CSMD3: variants seen among roughly 807,000 people sequenced by gnomAD.
CSMD3 encodes the protein CUB and sushi domain-containing protein 3.
Under a neutral mutation model 435.2 loss-of-function variants are expected in CSMD3, and 177 were observed. That is an observed-to-expected ratio of 0.41 (90% CI 0.36 to 0.46). CSMD3 has a LOEUF of 0.46. Among genes scored for constraint, CSMD3 ranks in the 20% least tolerant of loss-of-function variants. The probability of loss-of-function intolerance (pLI) is 0.34; values close to 1 mark genes in which losing one functional copy is unlikely to be tolerated. For synonymous variants in CSMD3, 1,656 were observed against 1,520.5 expected, an observed-to-expected ratio of 1.09 and a Z score of -2.07; for missense variants, 4,265 against 4,504.6, an observed-to-expected ratio of 0.95 and a Z score of 1.52.
At chr8:112,357,706 T>A (rs1026258346) in intron 38 of CSMD3, among the ~76,000 whole-genome samples, 1 of 152,106 alleles carries the variant, frequency 6.6e-6, no homozygotes, top group Non-Finnish European at 1.5e-5. Context: ...CACGTGGTGT[T>A]GAGCCTGAGA....
At chr8:113,248,466 GTGATATATATGTATA>G (rs1433640766) in intron 3 of CSMD3, among the ~76,000 whole-genome samples, 4 of 806 alleles carry the variant, frequency 5.0e-3, no homozygotes, top group South Asian at 0.12. Context: ...ATGTGTGTGT[GTGATATATATGTATA>G]TATACATATA....
intron 6 of CSMD3, among the ~76,000 whole-genome samples, chr8:113,008,448 A>AAC (rs1341587544): frequency 4.6e-5 from 7 of 151,822 alleles, no homozygotes; most frequent in Non-Finnish European, 8.8e-5. Context: ...CTTATCTGTT[A>AAC]AGGATGAATA....
At position 112,976,139 on chromosome 8, in the gene CSMD3, G is replaced by GT; in HGVS notation, c.1039dup (p.Thr347AsnfsTer10). On this transcript the variant is annotated frameshift_variant, in exon 7 of 71. Transcript: ENST00000297405. LOFTEE classifies it high-confidence loss of function. Reference sequence around the variant, plus strand: ...ACCAGTGGAGGTAGTGTGGGTCAATGTAGAAGAACCTGTGGGACACAGTAG... The same window carrying GT: ...ACCAGTGGAGGTAGTGTGGGTCAATGTTAGAAGAACCTGTGGGACACAGTAG... 2 of 1,613,978 alleles carry GT rather than the reference G, an allele frequency of 1.2e-6. No individual in the cohort carries two copies. Among genetic ancestry groups the GT allele is most frequent in the Non-Finnish European group, 1.7e-6 (2 of 1,179,882 alleles).
chr8:112,928,121 C>T (rs759130542), intron 9 of CSMD3, among the ~76,000 whole-genome samples: 7 of 152,038 alleles, frequency 4.6e-5, no homozygotes, highest in Non-Finnish European at 8.8e-5. Context: ...TACTTATATA[C>T]TTCTATGAAA....
chr8:112,888,823 A>G (rs1387535843), intron 10 of CSMD3, among the ~76,000 whole-genome samples: 1 of 151,630 alleles, frequency 6.6e-6, no homozygotes, highest in African/African-American at 2.4e-5. Flanking sequence ...AGCAAGATGC[A>G]GAAGTCTACA....
At chr8:112,301,099 A>T (rs1444633197) in intron 53 of CSMD3, among the ~76,000 whole-genome samples, 2 of 152,084 alleles carry the variant, frequency 1.3e-5, no homozygotes, top group East Asian at 1.9e-4. Flanking sequence ...ATCATTTTAG[A>T]GAAAACAAAG....
chr8:113,231,570 T>G (rs1588326107), intron 3 of CSMD3, among the ~76,000 whole-genome samples: 1 of 151,516 alleles, frequency 6.6e-6, no homozygotes, highest in African/African-American at 2.4e-5. Context: ...TAATTTTGAG[T>G]GCATTGTTAA....
chr8:112,876,193 T>C (rs1039047349), intron 10 of CSMD3, among the ~76,000 whole-genome samples: 7 of 152,042 alleles, frequency 4.6e-5, no homozygotes, highest in African/African-American at 1.7e-4. Context: ...ATTAATAGTA[T>C]ACCAACCATA....
chr8:112,835,685 G>C (rs2080002931), intron 11 of CSMD3, among the ~76,000 whole-genome samples: 1 of 151,868 alleles, frequency 6.6e-6, no homozygotes, highest in Non-Finnish European at 1.5e-5. Context: ...TTCTGGCAAA[G>C]AGTGTCAAAA....
At chr8:113,102,866 G>A (rs555568435) in intron 4 of CSMD3, among the ~76,000 whole-genome samples, 5 of 152,208 alleles carry the variant, frequency 3.3e-5, no homozygotes, top group Non-Finnish European at 7.4e-5. Flanking sequence ...GAACATTAAA[G>A]TGTTTTTAGT....
intron 2 of CSMD3, among the ~76,000 whole-genome samples, chr8:113,308,696 G>A (rs2093843011): frequency 6.6e-6 from 1 of 152,068 alleles, no homozygotes; most frequent in African/African-American, 2.4e-5. Flanking sequence ...TCTTTTTAAT[G>A]ATGTGATAGC....
chr8:113,308,458 C>T (rs1203319541), intron 2 of CSMD3, among the ~76,000 whole-genome samples: 6 of 151,646 alleles, frequency 4.0e-5, no homozygotes, highest in South Asian at 2.1e-4. Context: ...TTAGTAAAGA[C>T]GGGCTTTCAC....
chr8:113,321,777 A>G (rs1437437314), intron 1 of CSMD3, among the ~76,000 whole-genome samples: 1 of 152,146 alleles, frequency 6.6e-6, no homozygotes, highest in African/African-American at 2.4e-5. Context: ...ATTTTGGGTA[A>G]ATTTTTGGAT....
intron 32 of CSMD3, among the ~76,000 whole-genome samples, chr8:112,420,602 G>T (rs909051225): frequency 1.3e-5 from 2 of 151,842 alleles, no homozygotes; most frequent in African/African-American, 4.8e-5. Context: ...TATTTTTAAT[G>T]ACATATATTT....
intron 13 of CSMD3, among the ~76,000 whole-genome samples, chr8:112,692,206 TCTTGAGTTGAAATCTTAGAA>T (rs1244281511): frequency 6.6e-6 from 1 of 152,094 alleles, no homozygotes; most frequent in Admixed American, 6.6e-5. Flanking sequence ...TTTTCTGTTT[TCTTGAGTTGAAATCTTAGAA>T]CTTTTTTAGT....
At chr8:112,586,995 T>C (rs1301137554) in intron 23 of CSMD3, 71 bp downstream of exon 23, 1 of 1,026,024 alleles carries the variant, frequency 9.7e-7, no homozygotes, top group South Asian at 1.3e-5. Context: ...TATAGATGTA[T>C]ATATTTATCT....
intron 32 of CSMD3, among the ~76,000 whole-genome samples, chr8:112,410,715 T>TAC (rs1364072741): frequency 3.1e-5 from 4 of 129,840 alleles, no homozygotes; most frequent in African/African-American, 1.1e-4. Flanking sequence ...TATATATATA[T>TAC]GTATATATAT....
At chr8:112,400,716 G>A (rs1201437107) in intron 35 of CSMD3, among the ~76,000 whole-genome samples, 2 of 152,088 alleles carry the variant, frequency 1.3e-5, no homozygotes, top group Non-Finnish European at 2.9e-5. Flanking sequence ...AGTTCCTGGT[G>A]TTAGCTACTG....
chr8:112,946,145 T>A (rs1342720528), intron 9 of CSMD3, among the ~76,000 whole-genome samples: 6 of 151,836 alleles, frequency 4.0e-5, no homozygotes, highest in African/African-American at 1.4e-4. Context: ...TGCAAATCAT[T>A]GGACCAAGTA....
Sources: gnomAD v4.1 joint callset for allele counts (sites outside exome capture counted in the v4.1 genomes callset) on GRCh38, gnomAD v4.1.1 for gene constraint, MANE v1.5 for transcripts, NCBI Gene and HGNC (gene_info 2026-07-23, HGNC 2026-07-21) for gene names.